TBCA: variants seen among roughly 807,000 people sequenced by gnomAD.
TBCA encodes tubulin-specific chaperone A.
A neutral mutation model predicts 15.8 loss-of-function variants in TBCA; 6 were observed. The ratio of observed to expected loss-of-function variants is 0.38; its 90% confidence interval spans 0.21 to 0.75. The LOEUF (loss-of-function observed/expected upper bound fraction) is 0.75, where lower values mean the gene tolerates loss of function less well. Among genes scored for constraint, TBCA ranks in the 30% least tolerant of loss-of-function variants. The pLI is 0.46. For missense variants in TBCA, 90 were observed against 131.2 expected (o/e 0.69, Z 1.53); for synonymous variants, 32 against 42.3 (o/e 0.76, Z 0.94).
chr5:77,722,914 CAT>C (rs1313555334), intron 1 of TBCA, among the ~76,000 whole-genome samples: 4 of 151,762 alleles, frequency 2.6e-5, no homozygotes, highest in African/African-American at 9.6e-5. Context: ...CTAATACTAG[CAT>C]ATATCTCTCT....
intron 2 of TBCA, among the ~76,000 whole-genome samples, chr5:77,702,190 TAATAA>T (rs913010611): frequency 1.3e-5 from 2 of 151,944 alleles, no homozygotes; most frequent in Admixed American, 1.3e-4. Flanking sequence ...CCTACAGAAA[TAATAA>T]AATAAAATAA....
chr5:77,752,592 C>G (rs1227135072), intron 1 of TBCA, among the ~76,000 whole-genome samples: 15 of 48,386 alleles, frequency 3.1e-4, no homozygotes, highest in Admixed American at 5.0e-4. Context: ...CGCTCTGTCG[C>G]CCAGGCCGGA....
intron 2 of TBCA, among the ~76,000 whole-genome samples, chr5:77,699,048 A>AG (rs1745942653): frequency 6.7e-6 from 1 of 149,778 alleles, no homozygotes; most frequent in African/African-American, 2.4e-5. Flanking sequence ...AAAAAAAAAA[A>AG]AAAAAAAAAA....
intron 1 of TBCA, among the ~76,000 whole-genome samples, chr5:77,763,427 A>C (rs1226474525): frequency 6.6e-6 from 1 of 152,214 alleles, no homozygotes; most frequent in Non-Finnish European, 1.5e-5. Context: ...ATAAAAGGGT[A>C]CAATCCCTTT....
chr5:77,705,083 T>C (rs1259875944), intron 2 of TBCA, among the ~76,000 whole-genome samples: 5 of 152,234 alleles, frequency 3.3e-5, no homozygotes, highest in Non-Finnish European at 7.3e-5. Flanking sequence ...CAGTAGTTAA[T>C]CTTTACCTAT....
At chr5:77,745,713 A>G (rs557922697) in intron 1 of TBCA, among the ~76,000 whole-genome samples, 82 of 152,348 alleles carry the variant, frequency 5.4e-4, no homozygotes, top group African/African-American at 1.7e-3. Flanking sequence ...TACGTAGTAG[A>G]TATTCTATAA....
rs1277065972 is a variant in TBCA, at chr5:77,766,744, G to A, written c.53+9461C>T. On this transcript the variant is annotated intron_variant, in intron 1 of 3. Coordinates refer to ENST00000380377, the MANE Select transcript of TBCA (RefSeq NM_004607.3). Reference sequence around the variant, plus strand: ...GATCTCCTGACCTCGTGATCCGCCCGCCTCGGCCTCCCAAAGTGCTGGGAT... The same window carrying A: ...GATCTCCTGACCTCGTGATCCGCCCACCTCGGCCTCCCAAAGTGCTGGGAT... Among the ~76,000 whole-genome samples the A allele has an allele frequency of 2.2e-5, 3 of 138,852 alleles. 1 individual carries two copies. Among genetic ancestry groups the A allele is most frequent in the Non-Finnish European group, 4.7e-5 (3 of 64,080 alleles). 91.1% of individuals were successfully genotyped at this position (138,852 alleles called of 152,430 possible).
At chr5:77,732,275 A>G (rs1177289219) in intron 1 of TBCA, among the ~76,000 whole-genome samples, 3 of 152,208 alleles carry the variant, frequency 2.0e-5, no homozygotes, top group African/African-American at 4.8e-5. Flanking sequence ...TCTGGGTCCT[A>G]TGAAATCATA....
At chr5:77,729,348 C>T (rs1746706541) in intron 1 of TBCA, among the ~76,000 whole-genome samples, 1 of 152,034 alleles carries the variant, frequency 6.6e-6, no homozygotes, top group African/African-American at 2.4e-5. Context: ...AATACCATCA[C>T]TGGAAAAGTG....
At chr5:77,725,992 A>C (rs998682033) in intron 1 of TBCA, among the ~76,000 whole-genome samples, 14 of 152,226 alleles carry the variant, frequency 9.2e-5, no homozygotes, top group African/African-American at 2.9e-4. Flanking sequence ...GTTTTCCCAA[A>C]GTTAATGGAA....
chr5:77,758,883 T>C (rs1341732135), intron 1 of TBCA, among the ~76,000 whole-genome samples: 1 of 152,212 alleles, frequency 6.6e-6, no homozygotes, highest in Non-Finnish European at 1.5e-5. Flanking sequence ...ATTTTAAGTA[T>C]TATCTGTTTG....
chr5:77,710,260 C>T (rs945339140), intron 1 of TBCA, among the ~76,000 whole-genome samples: 14 of 152,096 alleles, frequency 9.2e-5, no homozygotes, highest in Admixed American at 7.2e-4. Context: ...TACATTCAAG[C>T]ATGACAACAG....
chr5:77,743,602 A>C (rs1207203470), intron 1 of TBCA, among the ~76,000 whole-genome samples: 1 of 152,188 alleles, frequency 6.6e-6, no homozygotes, highest in Non-Finnish European at 1.5e-5. Flanking sequence ...GTCTCCCAGG[A>C]GAAGGCCTCA....
intron 1 of TBCA, among the ~76,000 whole-genome samples, chr5:77,742,695 G>A (rs1322818118): frequency 1.3e-5 from 2 of 152,158 alleles, no homozygotes; most frequent in Non-Finnish European, 2.9e-5. Context: ...GGCTATATGA[G>A]CTGTGAAGAT....
intron 2 of TBCA, among the ~76,000 whole-genome samples, chr5:77,703,809 T>C (rs1371000680): frequency 6.6e-6 from 1 of 152,120 alleles, no homozygotes; most frequent in Admixed American, 6.5e-5. Flanking sequence ...TTGATATGGT[T>C]TTACTCTGTG....
chr5:77,744,016 C>A (rs1253034203), intron 1 of TBCA, among the ~76,000 whole-genome samples: 2 of 152,116 alleles, frequency 1.3e-5, no homozygotes, highest in Non-Finnish European at 2.9e-5. Context: ...ACAACTGAGT[C>A]CCAATTTATC....
chr5:77,695,221 T>C (rs1440820184), intron 2 of TBCA, among the ~76,000 whole-genome samples: 3 of 152,290 alleles, frequency 2.0e-5, no homozygotes, highest in South Asian at 2.1e-4. Flanking sequence ...CTTCTATTCA[T>C]TAAAATTCTA....
At chr5:77,725,892 A>C (rs930350048) in intron 1 of TBCA, among the ~76,000 whole-genome samples, 10 of 152,222 alleles carry the variant, frequency 6.6e-5, no homozygotes, top group African/African-American at 2.2e-4. Context: ...TAATGAAAAA[A>C]TGTCCCTTGA....
chr5:77,744,767 C>G (rs1277372541), intron 1 of TBCA, among the ~76,000 whole-genome samples: 1 of 152,064 alleles, frequency 6.6e-6, no homozygotes, highest in Non-Finnish European at 1.5e-5. Context: ...AACTCCTGAC[C>G]TCAAGTGATC....
Sources: allele counts gnomAD v4.1 joint callset (sites outside exome capture counted in the v4.1 genomes callset), GRCh38; gene constraint gnomAD v4.1.1; transcripts MANE v1.5; gene names NCBI Gene and HGNC (gene_info 2026-07-23, HGNC 2026-07-21).